Variants in GASK1B observed in about 807,000 individuals in gnomAD.
The protein encoded by GASK1B is golgi associated kinase 1B.
A neutral mutation model predicts 42.8 loss-of-function variants in GASK1B; 34 were observed. The ratio of observed to expected loss-of-function variants is 0.79; its 90% CI spans 0.60 to 1.06. The LOEUF (loss-of-function observed/expected upper bound fraction) is 1.06. Ranked by LOEUF, GASK1B falls within the 50% of genes least tolerant of loss-of-function variation. The probability of loss-of-function intolerance (pLI) is 0.00; values close to 1 mark genes in which losing one functional copy is unlikely to be tolerated. For missense variants in GASK1B, 686 were observed against 661.0 expected (o/e 1.04, Z -0.42); for synonymous variants, 262 against 259.1 (o/e 1.01, Z -0.11).
At chr4:158,161,800 T>A (rs1358662694) in intron 2 of GASK1B, among the ~76,000 whole-genome samples, 3 of 152,172 alleles carry the variant, frequency 2.0e-5, no homozygotes, top group East Asian at 1.9e-4. Flanking sequence ...CCTTTGTTAA[T>A]CCAGTTAAAG....
intron 2 of GASK1B, among the ~76,000 whole-genome samples, chr4:158,164,149 G>A (rs1299776598): frequency 6.6e-6 from 1 of 152,182 alleles, no homozygotes. Context: ...TCAGTGCCAC[G>A]AGAGCAGAGA....
chr4:158,161,138 A>C (rs1031273902), intron 2 of GASK1B, among the ~76,000 whole-genome samples: 1 of 152,166 alleles, frequency 6.6e-6, no homozygotes, highest in African/African-American at 2.4e-5. Context: ...TATGATTTGA[A>C]GAAGCCTAAA....
chr4:158,166,502 C>T (rs1390313406), intron 2 of GASK1B, among the ~76,000 whole-genome samples: 1 of 152,180 alleles, frequency 6.6e-6, no homozygotes, highest in Non-Finnish European at 1.5e-5. Context: ...TCCCTTTTCA[C>T]ATCACATATC....
intron 3 of GASK1B, among the ~76,000 whole-genome samples, chr4:158,155,375 G>A (rs1234686775): frequency 6.6e-6 from 1 of 152,072 alleles, no homozygotes; most frequent in African/African-American, 2.4e-5. Flanking sequence ...TAAGAGTCTG[G>A]TACCTCTTTA....
intron 3 of GASK1B, among the ~76,000 whole-genome samples, chr4:158,145,398 A>G (rs1466808657): frequency 2.0e-5 from 3 of 152,192 alleles, no homozygotes; most frequent in Non-Finnish European, 4.4e-5. Flanking sequence ...CTTGTTGTCT[A>G]TTGAATTTAT....
At chr4:158,160,239 T>A (rs921665521) in intron 2 of GASK1B, among the ~76,000 whole-genome samples, 1 of 152,112 alleles carries the variant, frequency 6.6e-6, no homozygotes, top group Admixed American at 6.6e-5. Context: ...GAAGGAAAAC[T>A]TTAATGCGAA....
chr4:158,155,859 A>C, intron 2 of GASK1B, 34 bp from the exon 3 acceptor site: 1 of 1,582,128 alleles, frequency 6.3e-7, no homozygotes, highest in Non-Finnish European at 8.7e-7. Context: ...CACTTTCAGC[A>C]CACTATTGAC....
rs1407244307 is a variant in GASK1B, at chr4:158,172,980, C to G, written c.-337G>C. On this transcript the variant is annotated 5_prime_UTR_variant, in exon 1 of 5. Coordinates refer to ENST00000585682, the MANE Select transcript of GASK1B (RefSeq NM_001128424.2). Reference sequence around the variant, plus strand: ...ATATAAATGAGGAGAAAAAATAGAACAGTGAGATAAGAGTACACACAGATA... The same window carrying G: ...ATATAAATGAGGAGAAAAAATAGAAGAGTGAGATAAGAGTACACACAGATA... The G allele has an allele frequency of 6.6e-6, 1 of 152,120 alleles. No homozygotes were observed. Among genetic ancestry groups the G allele is most frequent in the African/African-American group, 2.4e-5 (1 of 41,420 alleles). The allele number at this position is 152,120 out of a possible 1,614,324, so 9.4% of individuals were successfully genotyped here. A position where few individuals can be genotyped will look rare whatever the true frequency, so the allele number is the denominator to read the frequency against.
chr4:158,146,881 C>A (rs141938833), intron 3 of GASK1B, among the ~76,000 whole-genome samples: 3 of 152,016 alleles, frequency 2.0e-5, no homozygotes, highest in Non-Finnish European at 4.4e-5. Flanking sequence ...CAGTTTATAC[C>A]CCCACGTTTC....
Position 158,170,870 on chromosome 4 carries a change from C to T in GASK1B, c.506G>A (p.Gly169Glu), listed in dbSNP as rs200924029. The change falls in exon 2 of 5, where the codon GGA becomes GAA. Residue 169 changes from glycine to glutamate, a missense_variant. By Grantham distance (98) the Gly-to-Glu change is moderately conservative. Transcript: ENST00000585682. ...ADAVAPGYAQ[G>E]ANLVKIGERP... ...CTCTCCAATCTTAACCAGGTTTGCT[C>T]CCTGAGCGTACCCAGGTGCTACAGC... is the stretch of plus-strand genomic sequence containing the variant. 24 of 1,614,112 alleles carry T rather than the reference C, an allele frequency of 1.5e-5. No individual in the cohort carries two copies. Among genetic ancestry groups the T allele is most frequent in the Admixed American group, 5.0e-5 (3 of 60,014 alleles).
intron 3 of GASK1B, among the ~76,000 whole-genome samples, chr4:158,141,292 T>A (rs1246948454): frequency 6.6e-6 from 1 of 151,836 alleles, no homozygotes; most frequent in Non-Finnish European, 1.5e-5. Context: ...CCAGCACATG[T>A]TATAATGACC....
Position 158,171,157 on chromosome 4 carries a change from G to C in GASK1B, c.219C>G (p.Ser73Arg), listed in dbSNP as rs779266855. Residue 73 changes from serine (S) to arginine (R), a missense_variant, in exon 2 of 5, where the codon AGC (serine) becomes AGG (arginine). Physicochemically the swap from Ser to Arg is moderately radical, Grantham distance 110. Coordinates refer to ENST00000585682, the MANE Select transcript of GASK1B (RefSeq NM_001128424.2). Reference sequence around the variant, plus strand: ...GGAAGGATGGCTCGGCGGTGTCGCGGCTGCGATGTGGCCCCTTCTCAGCCG... The same window carrying C: ...GGAAGGATGGCTCGGCGGTGTCGCGCCTGCGATGTGGCCCCTTCTCAGCCG... The part of the protein sequence containing the change: ...GQAAEKGPHR[S>R]RDTAEPSFPE... 3 of 1,608,714 alleles carry C rather than the reference G, an allele frequency of 1.9e-6. No individual in the cohort carries two copies. Among genetic ancestry groups the C allele is most frequent in the Non-Finnish European group, 2.6e-6 (3 of 1,176,152 alleles).
At chr4:158,148,926 A>C (rs1048391730) in intron 3 of GASK1B, among the ~76,000 whole-genome samples, 1 of 152,208 alleles carries the variant, frequency 6.6e-6, no homozygotes, top group Non-Finnish European at 1.5e-5. Flanking sequence ...GAAAGTTACA[A>C]AGTAAACAGA....
chr4:158,165,225 C>T (rs1437556695), intron 2 of GASK1B, among the ~76,000 whole-genome samples: 2 of 152,224 alleles, frequency 1.3e-5, no homozygotes, highest in Non-Finnish European at 2.9e-5. Context: ...GGCAAAGCTG[C>T]TAAATCAAAG....
intron 4 of GASK1B, among the ~76,000 whole-genome samples, chr4:158,127,974 T>A (rs1244880392): frequency 6.6e-6 from 1 of 152,168 alleles, no homozygotes; most frequent in African/African-American, 2.4e-5. Context: ...ATCTGTCAAG[T>A]AGAACAGTAT....
rs546973228 is a variant in GASK1B, at chr4:158,124,607, T to C, written c.*2800A>G. The C allele has an allele frequency of 9.8e-5, 15 of 152,330 alleles. No individual in the cohort carries two copies. Among genetic ancestry groups the C allele is most frequent in the Admixed American group, 2.0e-4 (3 of 15,288 alleles). The allele number at this position is 152,330 out of a possible 1,614,324, so 9.4% of individuals were successfully genotyped here. A position where few individuals can be genotyped will look rare whatever the true frequency, so the allele number is the denominator to read the frequency against. On this transcript the variant is annotated 3_prime_UTR_variant, in exon 5 of 5. Transcript: ENST00000585682. ...TAAATAAATCTACTTCTAGGTATTTTATTCGTTATGTATAAGGTAAAGTAT... is the reference window on the plus strand; with the variant it reads ...TAAATAAATCTACTTCTAGGTATTTCATTCGTTATGTATAAGGTAAAGTAT...
At chr4:158,164,514 GA>G (rs887630468) in intron 2 of GASK1B, among the ~76,000 whole-genome samples, 9 of 152,220 alleles carry the variant, frequency 5.9e-5, no homozygotes, top group Admixed American at 5.9e-4. Flanking sequence ...GTTCACTGAT[GA>G]ATGAATGTAT....
At chr4:158,133,916 T>C (rs2346318) in intron 3 of GASK1B, among the ~76,000 whole-genome samples, 130,748 of 149,724 alleles carry the variant, frequency 0.87, 58,357 homozygotes, top group East Asian at 0.96. Context: ...TGTGTGTGTG[T>C]GCGCGTGCAC....
chr4:158,162,710 T>C (rs928315724), intron 2 of GASK1B, among the ~76,000 whole-genome samples: 2 of 152,164 alleles, frequency 1.3e-5, no homozygotes, highest in African/African-American at 4.8e-5. Flanking sequence ...GCCTCTCTCC[T>C]TCTGACCCCA....
Sources: allele counts gnomAD v4.1 joint callset (sites outside exome capture counted in the v4.1 genomes callset), GRCh38; gene constraint gnomAD v4.1.1; transcripts MANE v1.5; gene names NCBI Gene and HGNC (gene_info 2026-07-23, HGNC 2026-07-21).